Variants in B4GALNT2 observed in about 807,000 individuals in gnomAD.
B4GALNT2 encodes the protein N-acetylneuraminylgalactosylglucosyl-glucoside beta-1,4-N- acetylgalactosaminyltransferase 2.
In B4GALNT2, 42 loss-of-function variants were observed where a neutral mutation model predicts 51.1. The observed-to-expected ratio is 0.82, with a 90% CI of 0.64 to 1.06. The LOEUF (loss-of-function observed/expected upper bound fraction) is 1.06, where lower values mean the gene tolerates loss of function less well. Ranked by LOEUF, B4GALNT2 falls within the 50% of genes least tolerant of loss-of-function variation. B4GALNT2 has a pLI of 0.00. For synonymous variants in B4GALNT2, 253 were observed against 251.7 expected (o/e 1.01, Z -0.05); for missense variants, 602 against 633.6 (o/e 0.95, Z 0.54).
chr17:49,149,393 C>T (rs1267374876), intron 3 of B4GALNT2, among the ~76,000 whole-genome samples: 1 of 152,184 alleles, frequency 6.6e-6, no homozygotes, highest in East Asian at 1.9e-4. Context: ...CACCTGTAAT[C>T]CCAACACTTT....
Position 49,142,080 on chromosome 17 carries a change from G to T in B4GALNT2, c.261G>T (p.Gln87His), listed in dbSNP as rs1400054220. 1 of 1,614,194 alleles carries T rather than the reference G, an allele frequency of 6.2e-7. No individual in the cohort carries two copies. Among genetic ancestry groups the T allele is most frequent in the East Asian group, 2.2e-5 (1 of 44,884 alleles). Residue 87 changes from glutamine to histidine, a missense_variant, in exon 3 of 11, where the codon CAG becomes CAT. Gln to His is a conservative substitution (Grantham distance 24, BLOSUM62 0). Coordinates refer to ENST00000393354, the MANE Select transcript of B4GALNT2 (RefSeq NM_001159387.2). Reference sequence around the variant, plus strand: ...GCAAATGTGAAGCCAACAAAGAGCAGGGAGGTTACAACTTTCAGGATGCCT... The same window carrying T: ...GCAAATGTGAAGCCAACAAAGAGCATGGAGGTTACAACTTTCAGGATGCCT... ...NQCKCEANKE[Q>H]GGYNFQDAYG...
At chr17:49,140,288 G>A (rs1183731430) in intron 1 of B4GALNT2, among the ~76,000 whole-genome samples, 1 of 152,022 alleles carries the variant, frequency 6.6e-6, no homozygotes, top group African/African-American at 2.4e-5. Flanking sequence ...TTTTAGTAGA[G>A]ATGGGGTTTC....
At position 49,153,280 on chromosome 17, in the gene B4GALNT2, C is replaced by T. The variant is rs148917867; in HGVS notation, c.460+374C>T. On this transcript the variant is annotated intron_variant, in intron 4 of 10. Coordinates refer to ENST00000393354, the MANE Select transcript of B4GALNT2 (RefSeq NM_001159387.2). ...AAATAGAAAAATTAGCTGGATGTGGCGGTGGGCAACTGTAGTCCCAACTAC... is the reference window on the plus strand; with the variant it reads ...AAATAGAAAAATTAGCTGGATGTGGTGGTGGGCAACTGTAGTCCCAACTAC... Among the ~76,000 whole-genome samples, 539 of 151,954 alleles carry T rather than the reference C, an allele frequency of 3.5e-3. 4 individuals are homozygous for T. Among genetic ancestry groups the T allele is most frequent in the African/African-American group, 0.012 (502 of 41,426 alleles).
chr17:49,129,991 G>T (rs979972104), upstream of B4GALNT2, among the ~76,000 whole-genome samples: 4 of 152,188 alleles, frequency 2.6e-5, no homozygotes, highest in Non-Finnish European at 5.9e-5. Flanking sequence ...GCAGCTGCTT[G>T]GCTGTGGTCT....
chr17:49,150,739 G>C (rs1464557207), intron 3 of B4GALNT2, among the ~76,000 whole-genome samples: 2 of 150,696 alleles, frequency 1.3e-5, no homozygotes, highest in Non-Finnish European at 2.9e-5. Flanking sequence ...CTCGTTAAGA[G>C]TCATCACCAC....
chr17:49,141,785 G>A lies in B4GALNT2; in HGVS notation c.216-250G>A, dbSNP rs564454314. ...TCACGTGGCTCTCAGATTTAAAGAAGTTAGGTGCAGGGGACAATTCAAGAG... is the reference window on the plus strand; with the variant it reads ...TCACGTGGCTCTCAGATTTAAAGAAATTAGGTGCAGGGGACAATTCAAGAG... On this transcript the variant is annotated intron_variant, in intron 2 of 10. Coordinates refer to ENST00000393354, the MANE Select transcript of B4GALNT2 (RefSeq NM_001159387.2). Among the ~76,000 whole-genome samples, 3 of 152,274 alleles carry A rather than the reference G, an allele frequency of 2.0e-5. No individual in the cohort carries two copies. The South Asian group carries it at 6.2e-4, about 32-fold the overall frequency.
At chr17:49,122,883 G>C in the B4GALNT2 span, among the ~76,000 whole-genome samples, 1 of 152,196 alleles carries the variant, frequency 6.6e-6, no homozygotes, top group Non-Finnish European at 1.5e-5. Context: ...AGTGAGTAAA[G>C]CAGTTCCCAC....
At chr17:49,165,062 C>T (rs2042898722) in intron 8 of B4GALNT2, among the ~76,000 whole-genome samples, 1 of 152,142 alleles carries the variant, frequency 6.6e-6, no homozygotes, top group Non-Finnish European at 1.5e-5. Context: ...GATCCTTTCA[C>T]CTAGGCTTCC....
intron 5 of B4GALNT2, among the ~76,000 whole-genome samples, chr17:49,158,351 C>T (rs747947446): frequency 3.9e-5 from 6 of 152,044 alleles, no homozygotes; most frequent in Admixed American, 6.6e-5. Context: ...TGCAAAAGAA[C>T]GGGTTTTAAA....
chr17:49,145,528 TATTG>T (rs1392343259), intron 3 of B4GALNT2, among the ~76,000 whole-genome samples: 1 of 152,238 alleles, frequency 6.6e-6, no homozygotes, highest in African/African-American at 2.4e-5. Flanking sequence ...TCGTAGCTGG[TATTG>T]ATTATCTTCT....
rs771244751 is a variant in B4GALNT2, at chr17:49,168,826, A to C, written c.1241A>C (p.Asn414Thr). 10 of 1,613,814 alleles carry C rather than the reference A, an allele frequency of 6.2e-6. No individual in the cohort carries two copies. The highest frequency in any genetic ancestry group is 8.5e-6 in the Non-Finnish European group (10 of 1,180,022). The change falls in exon 10 of 11, where the codon AAC becomes ACC. Residue 414 changes from asparagine (N) to threonine (T), a missense_variant. Asn to Thr is a moderately conservative substitution (Grantham distance 65). Coordinates refer to ENST00000393354, the MANE Select transcript of B4GALNT2 (RefSeq NM_001159387.2). ...PSCVVTSGVV[N>T]FFLAHTERLQ... is the part of the protein sequence containing the mutation. ...TGCGTGGTGACCAGTGGCGTGGTCA[A>C]CTTCTTCCTGGCCCACACGGAGCGA... is the stretch of plus-strand genomic sequence containing the variant.
intron 9 of B4GALNT2, among the ~76,000 whole-genome samples, chr17:49,168,027 A>G (rs1390331433): frequency 2.6e-5 from 4 of 152,182 alleles, no homozygotes; most frequent in Non-Finnish European, 5.9e-5. Context: ...TTAGCTGACT[A>G]GTTGACTATG....
intron 4 of B4GALNT2, among the ~76,000 whole-genome samples, chr17:49,153,943 A>C (rs1178060026): frequency 6.6e-6 from 1 of 152,122 alleles, no homozygotes; most frequent in East Asian, 1.9e-4. Context: ...CTTAGGACAT[A>C]ATTGGCTTTT....
chr17:49,160,145 G>C (rs1371462006), intron 6 of B4GALNT2, among the ~76,000 whole-genome samples: 1 of 152,158 alleles, frequency 6.6e-6, no homozygotes, highest in Non-Finnish European at 1.5e-5. Context: ...ACTAGCTAAA[G>C]AGATAGTTCT....
At chr17:49,157,413 C>T (rs1290697194) in intron 5 of B4GALNT2, among the ~76,000 whole-genome samples, 7 of 152,080 alleles carry the variant, frequency 4.6e-5, no homozygotes, top group Admixed American at 3.3e-4. Flanking sequence ...CTCCACCTCC[C>T]GAGTTCAATC....
intron 6 of B4GALNT2, among the ~76,000 whole-genome samples, chr17:49,159,911 G>C (rs2042847004): frequency 6.6e-6 from 1 of 152,008 alleles, no homozygotes; most frequent in Non-Finnish European, 1.5e-5. Flanking sequence ...GCACTAATAG[G>C]AAAGAACTGG....
At chr17:49,129,019 A>T (rs2042524102), upstream of B4GALNT2, among the ~76,000 whole-genome samples, 1 of 152,184 alleles carries the variant, frequency 6.6e-6, no homozygotes, top group Non-Finnish European at 1.5e-5. Flanking sequence ...TTCTCTGAAG[A>T]CCGGGATGGC....
intron 1 of B4GALNT2, among the ~76,000 whole-genome samples, chr17:49,139,267 C>G (rs960647013): frequency 6.6e-6 from 1 of 151,494 alleles, no homozygotes; most frequent in Non-Finnish European, 1.5e-5. Context: ...GAGACAGAGT[C>G]TCCCTCTGAC....
chr17:49,161,619 C>T (rs1198683704), intron 7 of B4GALNT2, among the ~76,000 whole-genome samples: 1 of 151,638 alleles, frequency 6.6e-6, no homozygotes, highest in Non-Finnish European at 1.5e-5. Flanking sequence ...TGAATATATG[C>T]CACAGTTCAT....
Sources: gnomAD v4.1 joint callset for allele counts (sites outside exome capture counted in the v4.1 genomes callset) on GRCh38, gnomAD v4.1.1 for gene constraint, MANE v1.5 for transcripts, NCBI Gene and HGNC (gene_info 2026-07-23, HGNC 2026-07-21) for gene names.